The following TSGA10IP variants were observed in gnomAD, a reference collection of about 807,000 sequenced individuals.
TSGA10IP encodes the protein testis specific 10 interacting protein, also known as testis-specific protein 10-interacting protein.
Under a neutral mutation model 63.2 loss-of-function variants are expected in TSGA10IP, and 64 were observed. The observed-to-expected ratio is 1.01, with a 90% CI of 0.83 to 1.25. The LOEUF is 1.25. Ranked by LOEUF, TSGA10IP falls within the 50% of genes most tolerant of loss-of-function variation. The probability of loss-of-function intolerance (pLI) is 0.00; values close to 1 mark genes in which losing one functional copy is unlikely to be tolerated. For missense variants in TSGA10IP, 681 were observed against 710.1 expected, an observed-to-expected ratio of 0.96 and a Z score of 0.47; for synonymous variants, 316 against 298.3, an observed-to-expected ratio of 1.06 and a Z score of -0.61.
In TSGA10IP at chr11:65,953,699, G is replaced by A. The variant is rs752229073; in HGVS notation, c.1284G>A (p.Arg428=). ...CAGCCTACGCACCCAGAGGGAGCCG[G>A]GGCCCTGGGGCGGCCCAGCGCAAGC... The change falls in exon 5 of 8, where the codon CGG becomes CGA. Residue 428 remains arginine (R), a synonymous_variant. Coordinates refer to ENST00000532620, the Ensembl canonical transcript of TSGA10IP. 6 of 1,574,410 alleles carry A rather than the reference G, an allele frequency of 3.8e-6. No individual in the cohort carries two copies. In the South Asian group the frequency reaches 4.5e-5, roughly 12 times the overall value.
chr11:65,948,107 C>G lies in TSGA10IP; in HGVS notation c.1110C>G (p.Asn370Lys), dbSNP rs575875873. Residue 370 changes from asparagine (N) to lysine (K), a missense_variant, in exon 4 of 8, where the codon AAC becomes AAG. Coordinates refer to ENST00000532620, the Ensembl canonical transcript of TSGA10IP. Reference sequence around the variant, plus strand: ...ACGATGAAACTTTCGTGTCTGCCAACCTCCCTAATCGCACCTTCCACAAAC... The same window carrying G: ...ACGATGAAACTTTCGTGTCTGCCAAGCTCCCTAATCGCACCTTCCACAAAC... The G allele has an allele frequency of 3.0e-4, 473 of 1,600,580 alleles. 6 individuals are homozygous for G. The South Asian group carries it at 5.1e-3, about 17-fold the overall frequency.
intron 5 of TSGA10IP, among the ~76,000 whole-genome samples, chr11:65,955,954 A>C (rs1316345533): frequency 6.6e-6 from 1 of 152,056 alleles, no homozygotes; most frequent in African/African-American, 2.4e-5. Flanking sequence ...AAATAAATCA[A>C]ATAAATATGA....
chr11:65,945,790 A>G (rs754389877), exon 1 of TSGA10IP: 2 of 1,614,004 alleles, frequency 1.2e-6, no homozygotes, highest in Admixed American at 1.7e-5. Context: ...GGGGCTGCTC[A>G]AGCTGCTGTC....
At chr11:65,954,044 A>G (rs1306505331) in intron 5 of TSGA10IP, among the ~76,000 whole-genome samples, 1 of 152,212 alleles carries the variant, frequency 6.6e-6, no homozygotes, top group Admixed American at 6.5e-5. Flanking sequence ...TAAAATTTCA[A>G]AGATTACAGA....
intron 3 of TSGA10IP, 80 bp downstream of exon 3, chr11:65,947,908 A>C: frequency 6.6e-7 from 1 of 1,508,204 alleles, no homozygotes; most frequent in Non-Finnish European, 8.9e-7. Context: ...GCAGGGGCTC[A>C]GGCAGGCTGG....
At chr11:65,948,148 G>A (rs1420548628) in exon 4 of TSGA10IP, 6 of 1,602,232 alleles carry the variant, frequency 3.7e-6, no homozygotes, top group Non-Finnish European at 4.3e-6. Flanking sequence ...GAAGCCACCA[G>A]GTAAGAGGGA....
At chr11:65,948,060 G>A (rs1451932995) in exon 4 of TSGA10IP, 5 of 1,582,234 alleles carry the variant, frequency 3.2e-6, no homozygotes, top group Non-Finnish European at 4.3e-6. Context: ...CAAGCGGAAT[G>A]GAAAGGCCTA....
At chr11:65,947,956 C>T (rs1293691048) in intron 3 of TSGA10IP, 45 bp from the exon 4 acceptor site, 1 of 1,535,906 alleles carries the variant, frequency 6.5e-7, no homozygotes, top group Non-Finnish European at 8.8e-7. Flanking sequence ...GCCTGGTGGG[C>T]TGAGAGGGAG....
Position 65,945,763 on chromosome 11 carries a change from G to A in TSGA10IP, c.88G>A (p.Ala30Thr). The A allele has an allele frequency of 6.2e-7, 1 of 1,613,874 alleles. No homozygotes were observed. Among genetic ancestry groups the A allele is most frequent in the Non-Finnish European group, 8.5e-7 (1 of 1,179,872 alleles). ...ACCAGGGCAGGACGTGCGGCTCCAG[G>A]CTCCAGGAACCAGAACGGGGCTGCT... Residue 30 changes from alanine (A) to threonine (T), a missense_variant, in exon 1 of 8, where the codon GCT becomes ACT. Coordinates refer to ENST00000532620, the Ensembl canonical transcript of TSGA10IP.
intron 5 of TSGA10IP, among the ~76,000 whole-genome samples, chr11:65,956,592 A>T (rs543073372): frequency 6.6e-6 from 1 of 151,808 alleles, no homozygotes; most frequent in African/African-American, 2.4e-5. Flanking sequence ...CAGTGGTGTG[A>T]TCTCAGTTCA....
rs201967010 is a variant in TSGA10IP at position 65,953,033 on chromosome 11, T to TC, written c.1152-534_1152-533insC. On this transcript the variant is annotated intron_variant, in intron 4 of 7. Transcript: ENST00000532620. ...TTCATTTCTTTTTTCTTTCTTTCTTTTTTTTTTTTTTTTTGAGATGGAGTT... is the reference window on the plus strand; with the variant it reads ...TTCATTTCTTTTTTCTTTCTTTCTTTCTTTTTTTTTTTTTTGAGATGGAGTT... Among the ~76,000 whole-genome samples the TC allele has an allele frequency of 9.4e-3, 1,398 of 148,144 alleles. 18 individuals carry two copies. The highest frequency in any genetic ancestry group is 0.032 in the African/African-American group (1,260 of 39,736).
intron 5 of TSGA10IP, among the ~76,000 whole-genome samples, chr11:65,956,383 C>T (rs985502343): frequency 9.9e-5 from 15 of 152,168 alleles, no homozygotes; most frequent in South Asian, 2.1e-4. Context: ...CTGATCCGCC[C>T]GCCTCAGCCT....
chr11:65,959,397 A>T, intron 7 of TSGA10IP, 83 bp downstream of exon 7: 1 of 1,548,362 alleles, frequency 6.5e-7, no homozygotes, highest in Non-Finnish European at 8.7e-7. Flanking sequence ...TGGGCTCTGG[A>T]GGGCCTCCCC....
chr11:65,953,464 G>A, intron 4 of TSGA10IP, 103 bp from the exon 5 acceptor site: 1 of 1,430,340 alleles, frequency 7.0e-7, no homozygotes, highest in South Asian at 1.5e-5. Context: ...GGACACTGCA[G>A]CCCCTCCCCA....
chr11:65,946,901 G>A (rs1280747165), exon 2 of TSGA10IP: 1 of 1,613,900 alleles, frequency 6.2e-7, no homozygotes, highest in Middle Eastern at 1.7e-4. Context: ...GAGTGGTGAT[G>A]GTGTGCCAAA....
chr11:65,958,787 T>G (rs187752523), intron 5 of TSGA10IP, 96 bp from the exon 6 acceptor site: 3 of 968,990 alleles, frequency 3.1e-6, no homozygotes, highest in South Asian at 1.6e-5. Flanking sequence ...GGTGAGGACA[T>G]GAATATCAAG....
rs1031749552 is a variant in TSGA10IP, at chr11:65,948,274, G to A, written c.1151+126G>A. On this transcript the variant is annotated intron_variant, in intron 4 of 7. Coordinates refer to ENST00000532620, the Ensembl canonical transcript of TSGA10IP. The stretch of plus-strand genomic sequence containing the variant: ...TATTTATCCATTCACCAAACTTTTG[G>A]ATCATCCATCCATCCATCCATCCAT... 5.2e-6 allele frequency: 6 copies of A among 1,160,464 alleles called. No individual in the cohort carries two copies. The Admixed American group carries it at 9.0e-5, about 17-fold the overall frequency. 71.9% of individuals were successfully genotyped at this position (1,160,464 alleles called of 1,614,324 possible).
At chr11:65,949,661 C>T (rs948959474) in intron 4 of TSGA10IP, among the ~76,000 whole-genome samples, 2 of 151,776 alleles carry the variant, frequency 1.3e-5, no homozygotes, top group Non-Finnish European at 2.9e-5. Flanking sequence ...GTGATCTGCC[C>T]GCCTCGGCCT....
At chr11:65,945,710 A>T in exon 1 of TSGA10IP, 1 of 1,613,882 alleles carries the variant, frequency 6.2e-7, no homozygotes, top group Non-Finnish European at 8.5e-7. Context: ...AATACCTACC[A>T]ACAGTTGGTT....
Sources: gnomAD v4.1 joint callset for allele counts (sites outside exome capture counted in the v4.1 genomes callset) on GRCh38, gnomAD v4.1.1 for gene constraint, MANE v1.5 for transcripts, NCBI Gene and HGNC (gene_info 2026-07-23, HGNC 2026-07-21) for gene names.